Variants in IPO5 observed in about 807,000 individuals in gnomAD.
IPO5 encodes the protein importin 5, also known as importin-5.
In IPO5, 18 loss-of-function variants were observed where a neutral mutation model predicts 143.3. The observed-to-expected ratio is 0.13, with a 90% CI of 0.09 to 0.19. The LOEUF (loss-of-function observed/expected upper bound fraction) is 0.19, where lower values mean the gene tolerates loss of function less well. IPO5 is among the 10% of genes least tolerant of loss of function. The pLI is 1.00. For missense variants in IPO5, 1,013 were observed against 1,336.9 expected (o/e 0.76, Z 3.78); for synonymous variants, 477 against 465.7 (o/e 1.02, Z -0.31).
intron 20 of IPO5, among the ~76,000 whole-genome samples, chr13:98,012,008 G>C (rs1333178562): frequency 6.6e-6 from 1 of 151,738 alleles, no homozygotes; most frequent in East Asian, 1.9e-4. Flanking sequence ...CAATATATAC[G>C]ACAATAATTT....
intron 2 of IPO5, among the ~76,000 whole-genome samples, chr13:97,960,847 C>A (rs1422598109): frequency 2.0e-5 from 3 of 152,186 alleles, no homozygotes; most frequent in Admixed American, 6.5e-5. Context: ...GCATGAGCCA[C>A]CTCACCCAGC....
intron 3 of IPO5, chr13:97,975,962 C>A (rs2139592954): frequency 1.0e-6 from 1 of 985,538 alleles, no homozygotes; most frequent in African/African-American, 1.7e-5. Context: ...TGGGGGAGGT[C>A]GGAGGGTCTG....
At chr13:98,007,753 C>G (rs1889390879) in intron 17 of IPO5, among the ~76,000 whole-genome samples, 1 of 152,312 alleles carries the variant, frequency 6.6e-6, no homozygotes, top group East Asian at 1.9e-4. Flanking sequence ...TATAAACAAT[C>G]TAAAATTTTC....
intron 3 of IPO5, among the ~76,000 whole-genome samples, chr13:97,974,886 C>G (rs1185317706): frequency 6.6e-6 from 1 of 152,172 alleles, no homozygotes; most frequent in African/African-American, 2.4e-5. Context: ...AGAATTTTCT[C>G]TAGGAACCAA....
At chr13:97,980,306 A>T (rs1886729781) in intron 4 of IPO5, among the ~76,000 whole-genome samples, 1 of 152,218 alleles carries the variant, frequency 6.6e-6, no homozygotes, top group African/African-American at 2.4e-5. Context: ...AGTGGAACAT[A>T]TCACATGGAG....
chr13:97,955,948 C>A (rs1884422997), intron 2 of IPO5, among the ~76,000 whole-genome samples: 1 of 152,040 alleles, frequency 6.6e-6, no homozygotes, highest in African/African-American at 2.4e-5. Context: ...TGGCTTAACA[C>A]GGTGAAACCC....
rs1447553598 is a variant in IPO5, at chr13:98,023,945, A to T, written c.*2123A>T. The T allele has an allele frequency of 1.3e-5, 2 of 152,226 alleles. No individual in the cohort carries two copies. The highest frequency in any genetic ancestry group is 2.9e-5 in the Non-Finnish European group (2 of 68,032). 9.4% of individuals were successfully genotyped at this position (152,226 alleles called of 1,614,324 possible). ...GCATTTTTAATACCTCATTCTGTCT[A>T]TGCAAGATGAAAATCCATGGAGTTT... is the stretch of plus-strand genomic sequence containing the variant. On this transcript the variant is annotated 3_prime_UTR_variant, in exon 29 of 29. Transcript: ENST00000651721.
chr13:97,973,458 T>C (rs768291953), intron 3 of IPO5, among the ~76,000 whole-genome samples: 2 of 152,194 alleles, frequency 1.3e-5, no homozygotes, highest in Non-Finnish European at 2.9e-5. Context: ...TATAAACTCT[T>C]CAAAATGGCA....
At chr13:97,977,268 C>G (rs988213399) in intron 4 of IPO5, among the ~76,000 whole-genome samples, 1 of 152,208 alleles carries the variant, frequency 6.6e-6, no homozygotes, top group African/African-American at 2.4e-5. Context: ...TCTCCCACAC[C>G]GTCTGTCCCT....
At position 98,015,565 on chromosome 13, in the gene IPO5, T is replaced by C; in HGVS notation, c.2361T>C (p.Asn787=). The C allele has an allele frequency of 6.2e-7, 1 of 1,611,512 alleles. No homozygotes were observed. The highest frequency in any genetic ancestry group is 8.5e-7 in the Non-Finnish European group (1 of 1,178,018). Residue 787 remains asparagine, a synonymous_variant, in exon 23 of 29, where the codon AAT becomes AAC. Coordinates refer to ENST00000651721, the MANE Select transcript of IPO5 (RefSeq NM_002271.6). ...IEVMGDGCLN[N]EHFEELGGIL... is the part of the protein sequence containing the mutation. Reference sequence around the variant, plus strand: ...TAATGGGAGATGGATGCCTTAATAATGAACACTTTGAAGAACTGGGAGGTA... The same window carrying C: ...TAATGGGAGATGGATGCCTTAATAACGAACACTTTGAAGAACTGGGAGGTA...
chr13:97,995,012 G>A (rs684415), intron 11 of IPO5, among the ~76,000 whole-genome samples: 3,280 of 151,802 alleles, frequency 0.022, 109 homozygotes, highest in African/African-American at 0.073. Flanking sequence ...TGTGGTTCCA[G>A]CTACTCAGGA....
intron 6 of IPO5, among the ~76,000 whole-genome samples, chr13:97,988,401 CTT>C (rs567861965): frequency 2.0e-4 from 30 of 152,298 alleles, no homozygotes; most frequent in African/African-American, 7.2e-4. Flanking sequence ...TTTTTCAACT[CTT>C]TAATAGCAAT....
intron 6 of IPO5, chr13:97,987,056 C>A: frequency 6.0e-6 from 1 of 167,824 alleles, no homozygotes. Context: ...AGTTTCACTT[C>A]CTCATCTAGG....
chr13:97,996,678 C>A (rs1566521819), intron 11 of IPO5, among the ~76,000 whole-genome samples: 1 of 152,128 alleles, frequency 6.6e-6, no homozygotes, highest in African/African-American at 2.4e-5. Flanking sequence ...TCTTGGCTCA[C>A]AGCGAGCTCC....
Position 97,957,450 on chromosome 13 carries a change from C to T in IPO5, c.-113+3252C>T, listed in dbSNP as rs1293794997. Among the ~76,000 whole-genome samples the T allele has an allele frequency of 2.0e-5, 3 of 152,222 alleles. No individual in the cohort carries two copies. The East Asian group carries it at 5.8e-4, about 29-fold the overall frequency. ...ACTCCGACCTCAGGTGATCCACCTA[C>T]CTCCCAAAGTCCTGGGATTACAGGC... On this transcript the variant is annotated intron_variant, in intron 2 of 28. Coordinates refer to ENST00000651721, the MANE Select transcript of IPO5 (RefSeq NM_002271.6).
Position 97,976,804 on chromosome 13 carries a change from C to T in IPO5, c.90+18C>T, listed in dbSNP as rs776478391. On this transcript the variant is annotated intron_variant, in intron 4 of 28. Coordinates refer to ENST00000651721, the MANE Select transcript of IPO5 (RefSeq NM_002271.6). ...AGGCAGAGGTAACCGAGTTCGCCGC[C>T]CCAGTCTTCGCGCCCTGGCCGGCGC... 5 of 1,230,006 alleles carry T rather than the reference C, an allele frequency of 4.1e-6. No individual in the cohort carries two copies. Among genetic ancestry groups the T allele is most frequent in the South Asian group, 1.3e-5 (1 of 74,680 alleles). 76.2% of individuals were successfully genotyped at this position (1,230,006 alleles called of 1,614,324 possible).
At chr13:97,969,665 A>T (rs1885658507) in intron 2 of IPO5, 58 bp from the exon 3 acceptor site, 6 of 751,476 alleles carry the variant, frequency 8.0e-6, no homozygotes, top group African/African-American at 1.8e-5. Context: ...TTTTAAGAAT[A>T]TCATCTTCAA....
At chr13:98,015,839 A>G in intron 24 of IPO5, 58 bp downstream of exon 24, 1 of 1,077,662 alleles carries the variant, frequency 9.3e-7, no homozygotes, top group South Asian at 1.5e-5. Context: ...AAGACTTGTA[A>G]ATGCCTCAAT....
At chr13:97,975,075 A>G (rs1221296627) in intron 3 of IPO5, among the ~76,000 whole-genome samples, 1 of 152,186 alleles carries the variant, frequency 6.6e-6, no homozygotes, top group Non-Finnish European at 1.5e-5. Context: ...AAATTCCCTA[A>G]GTTAAATACT....
Sources: allele counts gnomAD v4.1 joint callset (sites outside exome capture counted in the v4.1 genomes callset), GRCh38; gene constraint gnomAD v4.1.1; transcripts MANE v1.5; gene names NCBI Gene and HGNC (gene_info 2026-07-23, HGNC 2026-07-21).